The following TAOK3 variants were observed in gnomAD, a reference collection of about 807,000 sequenced individuals.
TAOK3 encodes the protein TAO kinase 3, also known as serine/threonine-protein kinase TAO3.
TAOK3 carries 40 observed loss-of-function variants against 120.4 expected under a neutral mutation model. The observed-to-expected ratio is 0.33, with a 90% CI of 0.26 to 0.43. TAOK3 has a LOEUF of 0.43. TAOK3 is among the 20% of genes least tolerant of loss of function. TAOK3 has a pLI of 1.00. For synonymous variants in TAOK3, 355 were observed against 387.5 expected, an observed-to-expected ratio of 0.92 and a Z score of 0.99; for missense variants, 821 against 1,112.1, an observed-to-expected ratio of 0.74 and a Z score of 3.72.
chr12:118,166,916 CT>C, intron 17 of TAOK3, among the ~76,000 whole-genome samples: 1 of 151,880 alleles, frequency 6.6e-6, no homozygotes, highest in South Asian at 2.1e-4. Flanking sequence ...ATGCAGCTTC[CT>C]TTCCCTCGGT....
intron 4 of TAOK3, among the ~76,000 whole-genome samples, chr12:118,243,871 G>T (rs1483020327): frequency 6.6e-6 from 1 of 152,034 alleles, no homozygotes; most frequent in Non-Finnish European, 1.5e-5. Flanking sequence ...TAGAGACGAG[G>T]TTTCTCCGTG....
At chr12:118,353,083 C>T (rs2045244791) in intron 1 of TAOK3, among the ~76,000 whole-genome samples, 1 of 152,148 alleles carries the variant, frequency 6.6e-6, no homozygotes, top group South Asian at 2.1e-4. Context: ...GTTTCCTCCG[C>T]CTTATGCTAG....
At chr12:118,156,673 C>T (rs914147202) in intron 19 of TAOK3, among the ~76,000 whole-genome samples, 48 of 152,268 alleles carry the variant, frequency 3.2e-4, no homozygotes, top group African/African-American at 1.2e-3. Flanking sequence ...TCCCACACCC[C>T]AATCTGTTCC....
intron 9 of TAOK3, among the ~76,000 whole-genome samples, chr12:118,224,618 T>C (rs1293392576): frequency 1.3e-5 from 2 of 152,204 alleles, no homozygotes; most frequent in Non-Finnish European, 2.9e-5. Context: ...ATCTGGTGAC[T>C]GGACAATTTC....
chr12:118,236,728 A>G (rs1045228126), intron 7 of TAOK3: 1 of 152,204 alleles, frequency 6.6e-6, no homozygotes, highest in Non-Finnish European at 1.5e-5. Context: ...TTTCTTCACA[A>G]CAGAAAAATA....
At chr12:118,263,741 C>G (rs912839426) in intron 2 of TAOK3, among the ~76,000 whole-genome samples, 1 of 152,148 alleles carries the variant, frequency 6.6e-6, no homozygotes, top group Non-Finnish European at 1.5e-5. Flanking sequence ...AAGATGCATA[C>G]TATCACTACT....
At chr12:118,288,874 C>T (rs2042359745) in intron 1 of TAOK3, among the ~76,000 whole-genome samples, 2 of 142,526 alleles carry the variant, frequency 1.4e-5, no homozygotes, top group African/African-American at 5.3e-5. Flanking sequence ...CGAGATTACA[C>T]CGTTGCACTC....
intron 9 of TAOK3, among the ~76,000 whole-genome samples, chr12:118,222,457 C>T (rs1022968317): frequency 5.9e-5 from 9 of 151,374 alleles, no homozygotes; most frequent in East Asian, 1.9e-4. Context: ...TGCTTGAACC[C>T]GGGAGGCGGT....
chr12:118,317,671 G>A (rs950963784), intron 1 of TAOK3, among the ~76,000 whole-genome samples: 1 of 151,998 alleles, frequency 6.6e-6, no homozygotes, highest in Non-Finnish European at 1.5e-5. Flanking sequence ...TATTGTCAAG[G>A]TGACAATATG....
Position 118,242,605 on chromosome 12 carries a change from A to G in TAOK3, c.294+810T>C, listed in dbSNP as rs548121576. Among the ~76,000 whole-genome samples the G allele has an allele frequency of 3.3e-5, 5 of 152,320 alleles. No individual in the cohort carries two copies. The East Asian group carries it at 9.6e-4, about 29-fold the overall frequency. ...CCGAGCACAATGGCTCATGCCTGTA[A>G]TCCCAGCACTTTGGGAGGCTGAGGC... On this transcript the variant is annotated intron_variant, in intron 5 of 20. Coordinates refer to ENST00000392533, the MANE Select transcript of TAOK3 (RefSeq NM_016281.4).
intron 4 of TAOK3, 77 bp downstream of exon 4, chr12:118,244,817 C>A: frequency 9.0e-7 from 1 of 1,106,926 alleles, no homozygotes. Flanking sequence ...CGTGAACCAC[C>A]GCGCCCGGCC....
intron 1 of TAOK3, among the ~76,000 whole-genome samples, chr12:118,354,608 C>A (rs1566166208): frequency 6.6e-6 from 1 of 152,070 alleles, no homozygotes; most frequent in Non-Finnish European, 1.5e-5. Context: ...GTAGCTCCCA[C>A]AATTCCCAAG....
chr12:118,187,451 A>G (rs2037144514), intron 14 of TAOK3, among the ~76,000 whole-genome samples: 1 of 152,186 alleles, frequency 6.6e-6, no homozygotes, highest in Non-Finnish European at 1.5e-5. Flanking sequence ...GTCCTCATTT[A>G]TACACTACTG....
rs1453565208 is a variant in TAOK3 at position 118,246,116 on chromosome 12, C to A, written c.121-1151G>T. The A allele has an allele frequency of 4.4e-6, 6 of 1,360,662 alleles. No homozygotes were observed. The Middle Eastern group carries it at 7.5e-4, about 170-fold the overall frequency. 84.3% of individuals were successfully genotyped at this position (1,360,662 alleles called of 1,614,324 possible). ...ATGACGCCGGTGCAGCGGGGGGGCA[C>A]GGAGGCCCTGGTGGCCCTGGGATGG... On this transcript the variant is annotated intron_variant, in intron 3 of 20. Coordinates refer to ENST00000392533, the MANE Select transcript of TAOK3 (RefSeq NM_016281.4).
chr12:118,316,806 TA>T (rs966868437), intron 1 of TAOK3, among the ~76,000 whole-genome samples: 2 of 152,126 alleles, frequency 1.3e-5, no homozygotes, highest in African/African-American at 4.8e-5. Flanking sequence ...TTCCAGGGTA[TA>T]AAAATAACAA....
At chr12:118,324,193 G>GA (rs1191318171) in intron 1 of TAOK3, among the ~76,000 whole-genome samples, 3 of 152,054 alleles carry the variant, frequency 2.0e-5, no homozygotes, top group East Asian at 1.9e-4. Flanking sequence ...GAAATACGGA[G>GA]AAAAAAATCA....
At chr12:118,205,747 A>AT (rs1255056889) in intron 11 of TAOK3, among the ~76,000 whole-genome samples, 11 of 152,100 alleles carry the variant, frequency 7.2e-5, no homozygotes, top group Admixed American at 6.6e-5. Context: ...AGTAGCTGGG[A>AT]TTACAGGCGT....
intron 1 of TAOK3, among the ~76,000 whole-genome samples, chr12:118,358,384 T>G (rs927660066): frequency 6.6e-6 from 1 of 152,212 alleles, no homozygotes; most frequent in South Asian, 2.1e-4. Flanking sequence ...GGTATTACAT[T>G]CAAGAAACAG....
rs1166482924 is a variant in TAOK3, at chr12:118,217,839, A to G, written c.644-3729T>C. 8.0e-4 allele frequency among the ~76,000 whole-genome samples: 85 copies of G among 106,196 alleles called. 4 individuals are homozygous for G. The highest frequency in any genetic ancestry group is 4.1e-3 in the East Asian group (12 of 2,940). 69.7% of individuals were successfully genotyped at this position (106,196 alleles called of 152,430 possible). The stretch of plus-strand genomic sequence containing the variant: ...TACATATATATATATATATATATAT[A>G]TATATATATATATATATATATACAC... On this transcript the variant is annotated intron_variant, in intron 9 of 20. Transcript: ENST00000392533.
Sources: gnomAD v4.1 joint callset for allele counts (sites outside exome capture counted in the v4.1 genomes callset) on GRCh38, gnomAD v4.1.1 for gene constraint, MANE v1.5 for transcripts, NCBI Gene and HGNC (gene_info 2026-07-23, HGNC 2026-07-21) for gene names.